The following LDLRAD3 variants were observed in gnomAD, a reference collection of about 807,000 sequenced individuals.
LDLRAD3 encodes low density lipoprotein receptor class A domain containing 3.
In LDLRAD3, 20 loss-of-function variants were observed where a neutral mutation model predicts 29.4. The observed-to-expected ratio is 0.68, with a 90% CI of 0.48 to 0.99. The LOEUF (loss-of-function observed/expected upper bound fraction) is 0.99. Ranked by LOEUF, LDLRAD3 falls within the 50% of genes least tolerant of loss-of-function variation. The pLI, the probability that LDLRAD3 is intolerant of heterozygous loss-of-function variation, is 0.00. For missense variants in LDLRAD3, 420 were observed against 454.3 expected, an observed-to-expected ratio of 0.92 and a Z score of 0.69; for synonymous variants, 157 against 192.7, an observed-to-expected ratio of 0.81 and a Z score of 1.53.
chr11:36,091,343 C>T (rs1853277180), intron 3 of LDLRAD3, among the ~76,000 whole-genome samples: 3 of 152,288 alleles, frequency 2.0e-5, no homozygotes, highest in Non-Finnish European at 4.4e-5. Context: ...CTACTGTAGA[C>T]GGATTGCTTC....
intron 1 of LDLRAD3, chr11:36,010,262 A>G (rs992307526): frequency 6.5e-6 from 1 of 154,414 alleles, no homozygotes; most frequent in African/African-American, 2.4e-5. Flanking sequence ...CTGTTTTCCA[A>G]AGCCAGAGAT....
At chr11:36,209,149 G>T (rs10082626) in intron 4 of LDLRAD3, among the ~76,000 whole-genome samples, 2,252 of 152,224 alleles carry the variant, frequency 0.015, 66 homozygotes, top group African/African-American at 0.052. Context: ...CAGTATTAAA[G>T]TCATGAAGAA....
intron 4 of LDLRAD3, among the ~76,000 whole-genome samples, chr11:36,119,398 G>A (rs1299589779): frequency 6.6e-6 from 1 of 152,082 alleles, no homozygotes; most frequent in African/African-American, 2.4e-5. Context: ...TGCTATTTTG[G>A]ACTGTTTTCC....
intron 5 of LDLRAD3, among the ~76,000 whole-genome samples, chr11:36,227,980 G>A (rs1322561603): frequency 6.6e-6 from 1 of 152,224 alleles, no homozygotes; most frequent in Non-Finnish European, 1.5e-5. Flanking sequence ...AAATAAAGGA[G>A]GTGGAAAGGA....
intron 4 of LDLRAD3, among the ~76,000 whole-genome samples, chr11:36,161,660 C>A (rs980995700): frequency 6.6e-6 from 1 of 152,178 alleles, no homozygotes; most frequent in Non-Finnish European, 1.5e-5. Context: ...ATTCCTCTTA[C>A]AGAAGAGCGG....
At chr11:36,204,281 C>A (rs1260125716) in intron 4 of LDLRAD3, among the ~76,000 whole-genome samples, 1 of 152,154 alleles carries the variant, frequency 6.6e-6, no homozygotes, top group Non-Finnish European at 1.5e-5. Flanking sequence ...CAAGCCATCT[C>A]TTCCTGCTAT....
intron 4 of LDLRAD3, among the ~76,000 whole-genome samples, chr11:36,140,326 C>T (rs1189796722): frequency 6.6e-6 from 1 of 152,132 alleles, no homozygotes; most frequent in Non-Finnish European, 1.5e-5. Flanking sequence ...AGAGGATGCG[C>T]ATACGCTCAT....
Position 36,081,756 on chromosome 11 carries a change from T to C in LDLRAD3, c.297T>C (p.Asp99=). ...FRCNGFEDCP[D]GSDEENCTAN... ...GCAATGGGTTTGAGGACTGTCCCGA[T>C]GGCAGCGATGAAGAGAACTGCAGTA... The change falls in exon 3 of 6, where the codon GAT becomes GAC. Residue 99 remains aspartate (D), a synonymous_variant. Coordinates refer to ENST00000315571, the MANE Select transcript of LDLRAD3 (RefSeq NM_174902.4). 6.2e-7 allele frequency: 1 copy of C among 1,614,238 alleles called. No homozygotes were observed.
chr11:36,045,742 T>C (rs1345640217), intron 2 of LDLRAD3, among the ~76,000 whole-genome samples: 1 of 151,820 alleles, frequency 6.6e-6, no homozygotes, highest in Non-Finnish European at 1.5e-5. Context: ...TTTTTTCATT[T>C]CAAAAAATTT....
At chr11:36,008,140 A>G (rs1018454423) in intron 1 of LDLRAD3, among the ~76,000 whole-genome samples, 3 of 152,214 alleles carry the variant, frequency 2.0e-5, no homozygotes, top group Non-Finnish European at 4.4e-5. Flanking sequence ...AATGGTAGTT[A>G]TCATTAGGGC....
chr11:36,048,652 T>A (rs1268885400), intron 2 of LDLRAD3, among the ~76,000 whole-genome samples: 1 of 152,192 alleles, frequency 6.6e-6, no homozygotes, highest in African/African-American at 2.4e-5. Flanking sequence ...TTTAGTTAAG[T>A]CTCCTGTCAC....
intron 4 of LDLRAD3, among the ~76,000 whole-genome samples, chr11:36,115,388 G>A (rs1016860816): frequency 1.1e-4 from 17 of 152,292 alleles, no homozygotes; most frequent in African/African-American, 3.6e-4. Flanking sequence ...TTGCTGCATC[G>A]TCAGTGTGCT....
chr11:36,144,071 GGCGC>G (rs1456799173), intron 4 of LDLRAD3, among the ~76,000 whole-genome samples: 1 of 152,000 alleles, frequency 6.6e-6, no homozygotes, highest in Non-Finnish European at 1.5e-5. Flanking sequence ...TGCGATTGCA[GGCGC>G]GCGCCACCAC....
chr11:36,155,603 A>G (rs917395087), intron 4 of LDLRAD3, among the ~76,000 whole-genome samples: 1 of 152,190 alleles, frequency 6.6e-6, no homozygotes, highest in African/African-American at 2.4e-5. Flanking sequence ...CCTCTGTAAA[A>G]TAAGGATAAT....
intron 4 of LDLRAD3, among the ~76,000 whole-genome samples, chr11:36,226,792 C>T (rs1855505270): frequency 6.6e-6 from 1 of 152,168 alleles, no homozygotes; most frequent in African/African-American, 2.4e-5. Context: ...AATATGTGAT[C>T]TTTTGTGTCT....
At chr11:36,165,659 T>C (rs1295188232) in intron 4 of LDLRAD3, among the ~76,000 whole-genome samples, 2 of 152,154 alleles carry the variant, frequency 1.3e-5, no homozygotes, top group Admixed American at 6.5e-5. Flanking sequence ...GCATAGTTCA[T>C]TGGAAATTCT....
At chr11:36,106,939 T>G (rs1022898045) in intron 4 of LDLRAD3, among the ~76,000 whole-genome samples, 4 of 152,134 alleles carry the variant, frequency 2.6e-5, no homozygotes, top group African/African-American at 9.7e-5. Context: ...ATCTCAGAGA[T>G]CTTCCTGGAG....
chr11:35,980,020 T>A (rs12292000), intron 1 of LDLRAD3, among the ~76,000 whole-genome samples: 1 of 152,256 alleles, frequency 6.6e-6, no homozygotes, highest in Non-Finnish European at 1.5e-5. Flanking sequence ...AACAATGTGA[T>A]GGAAATTATT....
intron 3 of LDLRAD3, among the ~76,000 whole-genome samples, chr11:36,082,084 A>G (rs186216424): frequency 6.6e-6 from 1 of 152,250 alleles, no homozygotes; most frequent in South Asian, 2.1e-4. Context: ...AGAGAAGTAC[A>G]TTAACTCATC....
Sources: gnomAD v4.1 joint callset for allele counts (sites outside exome capture counted in the v4.1 genomes callset) on GRCh38, gnomAD v4.1.1 for gene constraint, MANE v1.5 for transcripts, NCBI Gene and HGNC (gene_info 2026-07-23, HGNC 2026-07-21) for gene names.